Variants in KLHL14 observed in about 807,000 individuals in gnomAD.
KLHL14 encodes the protein kelch-like protein 14.
In KLHL14, 22 loss-of-function variants were observed where a neutral mutation model predicts 64.3. The ratio of observed to expected loss-of-function variants is 0.34; its 90% CI spans 0.24 to 0.49. KLHL14 has a LOEUF of 0.49. Among genes scored for constraint, KLHL14 ranks in the 20% least tolerant of loss-of-function variants. The probability of loss-of-function intolerance (pLI) is 0.99; values close to 1 mark genes in which losing one functional copy is unlikely to be tolerated. For synonymous variants in KLHL14, 322 were observed against 333.4 expected (o/e 0.97, Z 0.37); for missense variants, 661 against 789.0 (o/e 0.84, Z 1.94).
chr18:32,712,387 T>A (rs1299019394), intron 3 of KLHL14, among the ~76,000 whole-genome samples: 2 of 152,200 alleles, frequency 1.3e-5, no homozygotes, highest in African/African-American at 4.8e-5. Context: ...CCTACCAAAT[T>A]ACCTGCATCA....
chr18:32,714,170 A>G (rs1266788207), intron 3 of KLHL14, among the ~76,000 whole-genome samples: 1 of 152,188 alleles, frequency 6.6e-6, no homozygotes, highest in Non-Finnish European at 1.5e-5. Flanking sequence ...TACTAATTGC[A>G]TTTGAACTGC....
intron 2 of KLHL14, among the ~76,000 whole-genome samples, chr18:32,759,073 T>C (rs911445068): frequency 2.6e-5 from 4 of 152,222 alleles, no homozygotes; most frequent in African/African-American, 9.6e-5. Flanking sequence ...CATTGAATTA[T>C]ATTCTTTAAG....
intron 3 of KLHL14, among the ~76,000 whole-genome samples, chr18:32,733,389 GGAGAGAGA>G (rs34935950): frequency 6.8e-6 from 1 of 147,420 alleles, no homozygotes; most frequent in Non-Finnish European, 1.5e-5. Context: ...GAGAGAGAAA[GGAGAGAGA>G]GAGAGAGAGA....
At chr18:32,693,429 G>C (rs1037196372) in intron 4 of KLHL14, among the ~76,000 whole-genome samples, 22 of 150,618 alleles carry the variant, frequency 1.5e-4, no homozygotes, top group Non-Finnish European at 2.9e-4. Flanking sequence ...GAGAGAGAGA[G>C]AGAGAGAGAG....
In KLHL14 at chr18:32,770,781, G is replaced by A. The variant is rs2050379734; in HGVS notation, c.-43-147C>T. ...GCTTGACTCCCTCCTGGCGCGCTCC[G>A]GACCCCGACCCTAGGAGGAAAGTCC... On this transcript the variant is annotated intron_variant, in intron 1 of 8. Coordinates refer to ENST00000359358, the MANE Select transcript of KLHL14 (RefSeq NM_020805.3). The surrounding 1 kb of genome is among the most constrained non-coding windows in gnomAD (Gnocchi z 6.7). The A allele has an allele frequency of 5.4e-6, 3 of 557,044 alleles. No homozygotes were observed. 34.5% of individuals were successfully genotyped at this position (557,044 alleles called of 1,614,324 possible). A position where few individuals can be genotyped will look rare whatever the true frequency, so the allele number is the denominator to read the frequency against.
At chr18:32,756,332 C>T (rs993371785) in intron 2 of KLHL14, among the ~76,000 whole-genome samples, 78 of 152,130 alleles carry the variant, frequency 5.1e-4, no homozygotes, top group African/African-American at 1.7e-3. Context: ...TCTTGAACTT[C>T]CAACCACCAG....
intron 3 of KLHL14, among the ~76,000 whole-genome samples, chr18:32,696,270 G>A (rs1333898419): frequency 6.6e-6 from 1 of 152,088 alleles, no homozygotes; most frequent in Non-Finnish European, 1.5e-5. Flanking sequence ...AAATGTGGTG[G>A]ATGTGAGGAG....
chr18:32,700,575 C>A (rs1395510779), intron 3 of KLHL14, among the ~76,000 whole-genome samples: 1 of 152,076 alleles, frequency 6.6e-6, no homozygotes. Context: ...TAGTGTCTTG[C>A]TTTTTAGCAC....
intron 3 of KLHL14, among the ~76,000 whole-genome samples, chr18:32,732,179 G>A (rs1011933908): frequency 1.5e-4 from 23 of 152,286 alleles, no homozygotes; most frequent in African/African-American, 3.4e-4. Context: ...AGTTGAGATT[G>A]TGCCACTGCA....
intron 7 of KLHL14, 40 bp from the exon 8 acceptor site, chr18:32,677,370 G>T: frequency 6.4e-7 from 1 of 1,555,442 alleles, no homozygotes; most frequent in Non-Finnish European, 8.7e-7. Context: ...AATGATAAAT[G>T]CTCAGGGTCC....
chr18:32,682,667 T>C (rs1480955490), intron 5 of KLHL14, among the ~76,000 whole-genome samples: 1 of 152,206 alleles, frequency 6.6e-6, no homozygotes, highest in Non-Finnish European at 1.5e-5. Context: ...TGCCTGCAGA[T>C]AAACTGATTC....
chr18:32,721,972 C>T (rs956291225), intron 3 of KLHL14, among the ~76,000 whole-genome samples: 11 of 152,020 alleles, frequency 7.2e-5, no homozygotes, highest in South Asian at 2.1e-4. Context: ...GGGAGGGATC[C>T]GGTGGGAGGT....
chr18:32,759,152 T>C (rs1041425505), intron 2 of KLHL14, among the ~76,000 whole-genome samples: 5 of 152,346 alleles, frequency 3.3e-5, no homozygotes, highest in Admixed American at 2.0e-4. Flanking sequence ...CCATGGGTTT[T>C]CTAAATTTTC....
intron 2 of KLHL14, chr18:32,745,646 G>C (rs1215181718): frequency 6.6e-6 from 1 of 152,124 alleles, no homozygotes; most frequent in Non-Finnish European, 1.5e-5. Context: ...ATTTTACTTT[G>C]ATATAAATGC....
At chr18:32,759,226 C>T (rs529135639) in intron 2 of KLHL14, among the ~76,000 whole-genome samples, 1 of 152,104 alleles carries the variant, frequency 6.6e-6, no homozygotes, top group Non-Finnish European at 1.5e-5. Context: ...ATCTATATAT[C>T]ACTCAAAGGT....
rs533265608 is a variant in KLHL14 at position 32,682,704 on chromosome 18, T to C, written c.1239-2105A>G. Among the ~76,000 whole-genome samples the C allele has an allele frequency of 2.0e-5, 3 of 152,342 alleles. No individual in the cohort carries two copies. The South Asian group carries it at 6.2e-4, about 32-fold the overall frequency. On this transcript the variant is annotated intron_variant, in intron 5 of 8. Transcript: ENST00000359358. ...TTCTATTTCCTCAACCAGGCTTCAG[T>C]TACTTTCTCATTGAATATGATAGGT...
chr18:32,721,115 G>C (rs1364331277), intron 3 of KLHL14, among the ~76,000 whole-genome samples: 1 of 152,236 alleles, frequency 6.6e-6, no homozygotes, highest in Admixed American at 6.5e-5. Context: ...CATGGGCCAG[G>C]AGCGTGGCAG....
intron 3 of KLHL14, among the ~76,000 whole-genome samples, chr18:32,729,986 A>G (rs2144519010): frequency 6.6e-6 from 1 of 152,386 alleles, no homozygotes; most frequent in East Asian, 1.9e-4. Flanking sequence ...TGATACTTCA[A>G]CAGCTGCATA....
In KLHL14 at chr18:32,770,016, G is replaced by T. The variant is rs754735175; in HGVS notation, c.576C>A (p.Ile192=). The change falls in exon 2 of 9, where the codon ATC becomes ATA. Residue 192 remains isoleucine, a synonymous_variant. Coordinates refer to ENST00000359358, the MANE Select transcript of KLHL14 (RefSeq NM_020805.3). The surrounding 1 kb of genome is among the most constrained non-coding windows in gnomAD (Gnocchi z 6.7). ...SVQNYKQVCK[I]AALHGLEETK... ...TCTCCTCCAGGCCGTGCAGCGCGGC[G>T]ATCTTGCACACCTGCTTGTAGTTCT... 1.2e-6 allele frequency: 2 copies of T among 1,614,182 alleles called. No individual in the cohort carries two copies. Among genetic ancestry groups the T allele is most frequent in the East Asian group, 2.2e-5 (1 of 44,866 alleles).
Sources: gnomAD v4.1 joint callset for allele counts (sites outside exome capture counted in the v4.1 genomes callset) on GRCh38, gnomAD v4.1.1 for gene constraint, Gnocchi (gnomAD v3.1) non-coding constraint, MANE v1.5 for transcripts, NCBI Gene and HGNC (gene_info 2026-07-23, HGNC 2026-07-21) for gene names.